The following MEGF11 variants were observed in gnomAD, a reference collection of about 807,000 sequenced individuals.
MEGF11 encodes multiple epidermal growth factor-like domains protein 11.
In MEGF11, 126 loss-of-function variants were observed where a neutral mutation model predicts 146.6. That is an observed-to-expected ratio of 0.86 (90% confidence interval 0.74 to 1.00). The LOEUF (loss-of-function observed/expected upper bound fraction) is 1.00, where lower values mean the gene tolerates loss of function less well. Ranked by LOEUF, MEGF11 falls within the 50% of genes least tolerant of loss-of-function variation. MEGF11 has a pLI of 0.00. For missense variants in MEGF11, 1,509 were observed against 1,521.2 expected (o/e 0.99, Z 0.13); for synonymous variants, 532 against 583.4 (o/e 0.91, Z 1.27).
At chr15:66,167,489 A>T (rs956240380) in intron 1 of MEGF11, among the ~76,000 whole-genome samples, 3 of 152,064 alleles carry the variant, frequency 2.0e-5, no homozygotes, top group Admixed American at 6.5e-5. Flanking sequence ...TAAAAATACA[A>T]AAACAATTAG....
chr15:66,081,570 G>C (rs533254406), intron 5 of MEGF11, among the ~76,000 whole-genome samples: 8 of 152,218 alleles, frequency 5.3e-5, no homozygotes, highest in South Asian at 2.1e-4. Flanking sequence ...GTAGAGACGG[G>C]GTTTCACCAT....
At chr15:65,962,261 A>G (rs2080883956) in intron 9 of MEGF11, among the ~76,000 whole-genome samples, 2 of 152,222 alleles carry the variant, frequency 1.3e-5, no homozygotes, top group Non-Finnish European at 2.9e-5. Context: ...TCTGGTGTCC[A>G]TAAGAACAAT....
At chr15:66,224,478 G>A (rs1326031154) in intron 1 of MEGF11, among the ~76,000 whole-genome samples, 1 of 151,746 alleles carries the variant, frequency 6.6e-6, no homozygotes, top group African/African-American at 2.4e-5. Context: ...CAACTACTTG[G>A]GAGGCTGAGG....
At chr15:66,170,431 T>C (rs890688158) in intron 1 of MEGF11, among the ~76,000 whole-genome samples, 2 of 152,176 alleles carry the variant, frequency 1.3e-5, no homozygotes, top group Admixed American at 6.5e-5. Context: ...GCAGAGTCTC[T>C]TACAGGGAAG....
At chr15:66,252,987 G>C (rs928791665) in intron 1 of MEGF11, among the ~76,000 whole-genome samples, 6 of 152,354 alleles carry the variant, frequency 3.9e-5, no homozygotes, top group Admixed American at 3.3e-4. Flanking sequence ...TCCCGGAATA[G>C]AGTAACGGCT....
intron 4 of MEGF11, among the ~76,000 whole-genome samples, chr15:66,105,391 T>C (rs1227211252): frequency 6.6e-6 from 1 of 152,166 alleles, no homozygotes. Context: ...ATTAATCCTC[T>C]AGTAGTGCTT....
At chr15:66,155,454 C>T (rs1340332824) in intron 1 of MEGF11, among the ~76,000 whole-genome samples, 2 of 152,182 alleles carry the variant, frequency 1.3e-5, no homozygotes, top group Admixed American at 6.5e-5. Context: ...AGGTGAAGGG[C>T]TCAGGTAGGC....
At chr15:65,923,754 A>G (rs544968177) in intron 13 of MEGF11, among the ~76,000 whole-genome samples, 1 of 152,356 alleles carries the variant, frequency 6.6e-6, no homozygotes, top group African/African-American at 2.4e-5. Context: ...TTTCTCAATA[A>G]GAAAAAGGAA....
chr15:66,066,550 C>T lies in MEGF11; in HGVS notation c.394+27852G>A, dbSNP rs548394744. 3.3e-5 allele frequency among the ~76,000 whole-genome samples: 5 copies of T among 152,354 alleles called. No individual in the cohort carries two copies. The East Asian group carries it at 5.8e-4, about 18-fold the overall frequency. On this transcript the variant is annotated intron_variant, in intron 5 of 25. Transcript: ENST00000395614. ...CAAGCTGTCCTCCCTGGCTGCCCGC[C>T]CTGGGTCCAAGTGGCCTGCGTCCAA...
At position 66,111,195 on chromosome 15, in the gene MEGF11, G is replaced by T. The variant is rs56840484; in HGVS notation, c.301+7891C>A. ...CAGTCTACTGAGCAGATGATATACT[G>T]CAGGTGAAAGCGCCGGCTAAACCAC... On this transcript the variant is annotated intron_variant, in intron 4 of 25. Transcript: ENST00000395614. Among the ~76,000 whole-genome samples, 1,154 of 152,270 alleles carry T rather than the reference G, an allele frequency of 7.6e-3. 16 individuals are homozygous for T. Among genetic ancestry groups the T allele is most frequent in the African/African-American group, 0.027 (1,109 of 41,534 alleles).
intron 5 of MEGF11, among the ~76,000 whole-genome samples, chr15:66,003,836 T>A (rs2082437745): frequency 6.6e-6 from 1 of 152,218 alleles, no homozygotes; most frequent in Admixed American, 6.5e-5. Flanking sequence ...TGGAAGCCCC[T>A]GCTTTCCTGT....
intron 5 of MEGF11, among the ~76,000 whole-genome samples, chr15:66,000,431 C>A (rs754540040): frequency 4.6e-5 from 7 of 152,002 alleles, no homozygotes; most frequent in Admixed American, 1.3e-4. Flanking sequence ...ACTTGGGAGG[C>A]CGATGTGAAA....
At chr15:66,250,891 A>G (rs2092361334) in intron 1 of MEGF11, among the ~76,000 whole-genome samples, 2 of 151,996 alleles carry the variant, frequency 1.3e-5, no homozygotes, top group African/African-American at 4.8e-5. Context: ...TGAGAAAGTG[A>G]GACTCCGTCT....
chr15:66,165,196 T>C (rs11631673), intron 1 of MEGF11, among the ~76,000 whole-genome samples: 148,044 of 152,298 alleles, frequency 0.97, 72,084 homozygotes, highest in East Asian at 1. Flanking sequence ...GGCCTGGACT[T>C]GGCATCTGGC....
chr15:65,934,441 G>C (rs1462374439), intron 10 of MEGF11, among the ~76,000 whole-genome samples: 1 of 152,086 alleles, frequency 6.6e-6, no homozygotes, highest in Non-Finnish European at 1.5e-5. Context: ...AGTAGAGATG[G>C]GGTTTCTCCA....
At chr15:66,117,400 C>T (rs1461878921) in intron 4 of MEGF11, among the ~76,000 whole-genome samples, 3 of 152,276 alleles carry the variant, frequency 2.0e-5, no homozygotes, top group Admixed American at 6.5e-5. Context: ...AGGAGTAAGT[C>T]GGAAGGTATA....
chr15:66,121,304 AG>A (rs1407279149), intron 3 of MEGF11, among the ~76,000 whole-genome samples: 1 of 152,190 alleles, frequency 6.6e-6, no homozygotes, highest in East Asian at 1.9e-4. Flanking sequence ...CAGGGCCGCA[AG>A]CAGCCAACTC....
chr15:65,946,928 C>T (rs1331031167), intron 10 of MEGF11, among the ~76,000 whole-genome samples: 3 of 152,194 alleles, frequency 2.0e-5, no homozygotes, highest in African/African-American at 7.2e-5. Context: ...CCAGGGAGCC[C>T]CTGACTGGCT....
chr15:66,179,012 A>G (rs574210928), intron 1 of MEGF11, among the ~76,000 whole-genome samples: 1 of 152,326 alleles, frequency 6.6e-6, no homozygotes, highest in South Asian at 2.1e-4. Flanking sequence ...CCGGGTAGCC[A>G]GTGTCTACTG....
Sources: allele counts gnomAD v4.1 joint callset (sites outside exome capture counted in the v4.1 genomes callset), GRCh38; gene constraint gnomAD v4.1.1; transcripts MANE v1.5; gene names NCBI Gene and HGNC (gene_info 2026-07-23, HGNC 2026-07-21).